The following ANGPT2 variants were observed in gnomAD, a reference collection of about 807,000 sequenced individuals.
The protein encoded by ANGPT2 is angiopoietin-2.
Under a neutral mutation model 62.9 loss-of-function variants are expected in ANGPT2, and 28 were observed. The ratio of observed to expected loss-of-function variants is 0.44; its 90% confidence interval spans 0.33 to 0.61. ANGPT2 has a LOEUF of 0.61. Ranked by LOEUF, ANGPT2 falls within the 20% of genes least tolerant of loss-of-function variation. The pLI is 0.03. For synonymous variants in ANGPT2, 284 were observed against 207.8 expected (o/e 1.37, Z -3.15); for missense variants, 727 against 594.9 (o/e 1.22, Z -2.31).
At chr8:6,537,985 C>T (rs1820807556) in intron 1 of ANGPT2, among the ~76,000 whole-genome samples, 1 of 152,110 alleles carries the variant, frequency 6.6e-6, no homozygotes, top group Non-Finnish European at 1.5e-5. Flanking sequence ...ATCAGAGGGT[C>T]TAAAGACCTT....
chr8:6,519,640 C>G (rs917555658), intron 5 of ANGPT2, among the ~76,000 whole-genome samples: 1 of 152,202 alleles, frequency 6.6e-6, no homozygotes, highest in African/African-American at 2.4e-5. Context: ...ATAAGATAGA[C>G]ATTTCTACAT....
intron 8 of ANGPT2, among the ~76,000 whole-genome samples, chr8:6,506,024 A>C (rs1324679766): frequency 6.9e-6 from 1 of 145,358 alleles, no homozygotes; most frequent in Admixed American, 7.0e-5. Flanking sequence ...TATATATATA[A>C]AAACATATAT....
At chr8:6,557,164 A>C (rs1323697959) in intron 1 of ANGPT2, among the ~76,000 whole-genome samples, 3 of 152,090 alleles carry the variant, frequency 2.0e-5, no homozygotes, top group Non-Finnish European at 4.4e-5. Context: ...CCCACGGAAA[A>C]TTCTGCTTTT....
intron 7 of ANGPT2, among the ~76,000 whole-genome samples, chr8:6,509,741 T>G (rs1347746360): frequency 6.6e-6 from 1 of 152,212 alleles, no homozygotes; most frequent in Non-Finnish European, 1.5e-5. Flanking sequence ...TGAAAATGCA[T>G]GGAATACACC....
rs1462565251 is a variant in ANGPT2, at chr8:6,500,375, C to G, written c.*2726G>C. The G allele has an allele frequency of 1.2e-5, 2 of 160,114 alleles. No homozygotes were observed. Among genetic ancestry groups the G allele is most frequent in the Non-Finnish European group, 2.7e-5 (2 of 72,742 alleles). 9.9% of individuals were successfully genotyped at this position (160,114 alleles called of 1,614,324 possible). ...CTTTCAAATGCTTCATTGAAAAGTT[C>G]TGGGTTCTAATTTTTTTTAAGATTA... On this transcript the variant is annotated 3_prime_UTR_variant, in exon 9 of 9. Transcript: ENST00000629816.
chr8:6,535,421 A>G (rs1820301200), intron 1 of ANGPT2, among the ~76,000 whole-genome samples: 1 of 152,236 alleles, frequency 6.6e-6, no homozygotes, highest in African/African-American at 2.4e-5. Context: ...AAACATAAAA[A>G]CAATAGAATG....
chr8:6,510,106 G>A (rs1040092458), intron 7 of ANGPT2, among the ~76,000 whole-genome samples: 1 of 151,960 alleles, frequency 6.6e-6, no homozygotes, highest in Non-Finnish European at 1.5e-5. Flanking sequence ...CTGTGTACCA[G>A]CAAGGAGCAT....
intron 1 of ANGPT2, among the ~76,000 whole-genome samples, chr8:6,558,824 A>T (rs1411476906): frequency 6.6e-6 from 1 of 152,228 alleles, no homozygotes; most frequent in African/African-American, 2.4e-5. Context: ...ATATATGTAT[A>T]ATATATAATC....
intron 1 of ANGPT2, among the ~76,000 whole-genome samples, chr8:6,540,980 G>T (rs1202753608): frequency 6.6e-6 from 1 of 152,242 alleles, no homozygotes; most frequent in East Asian, 1.9e-4. Context: ...GGGGCAGGTG[G>T]AGCCTAGTGG....
chr8:6,562,757 A>C lies in ANGPT2; in HGVS notation c.178T>G (p.Tyr60Asp), dbSNP rs2129575926. Residue 60 changes from tyrosine to aspartate, a missense_variant, in exon 1 of 9, where the codon TAC becomes GAC. Tyr to Asp is a radical substitution (Grantham distance 160). Transcript: ENST00000629816. ...MDNCRSSSSP[Y>D]VSNAVQRDAP... ...TCCCTCTGCACAGCATTGGACACGT[A>C]GGGGCTGGAGGAAGAGCGGCAGTTG... is the stretch of plus-strand genomic sequence containing the variant. 1 of 1,613,836 alleles carries C rather than the reference A, an allele frequency of 6.2e-7. No homozygotes were observed. The highest frequency in any genetic ancestry group is 1.3e-5 in the African/African-American group (1 of 74,912).
intron 7 of ANGPT2, among the ~76,000 whole-genome samples, chr8:6,512,357 C>T (rs1815328937): frequency 6.6e-6 from 1 of 152,194 alleles, no homozygotes; most frequent in African/African-American, 2.4e-5. Context: ...TCCTTTCAGA[C>T]TGTTCAGGTC....
intron 8 of ANGPT2, among the ~76,000 whole-genome samples, chr8:6,504,134 C>T (rs557367923): frequency 2.6e-5 from 4 of 151,962 alleles, no homozygotes; most frequent in South Asian, 4.2e-4. Flanking sequence ...CTGGCTAACA[C>T]GGTGAAACCC....
At chr8:6,557,219 C>T (rs1339354861) in intron 1 of ANGPT2, among the ~76,000 whole-genome samples, 2 of 152,166 alleles carry the variant, frequency 1.3e-5, no homozygotes, top group African/African-American at 2.4e-5. Flanking sequence ...TGCTTTACCG[C>T]TGGGCAATCC....
intron 1 of ANGPT2, among the ~76,000 whole-genome samples, chr8:6,558,099 C>T (rs1468389813): frequency 6.6e-6 from 1 of 152,182 alleles, no homozygotes; most frequent in Non-Finnish European, 1.5e-5. Context: ...AGTCTTCCTT[C>T]CAACCTCTCG....
chr8:6,517,131 G>C (rs1387772205), intron 5 of ANGPT2, among the ~76,000 whole-genome samples: 2 of 152,224 alleles, frequency 1.3e-5, no homozygotes, highest in Non-Finnish European at 2.9e-5. Context: ...GAGTAAAAGT[G>C]CTGAAATTGA....
In ANGPT2 at chr8:6,562,816, G is replaced by T. The variant is rs375103567; in HGVS notation, c.119C>A (p.Ser40Tyr). 6.2e-6 allele frequency: 10 copies of T among 1,613,494 alleles called. No homozygotes were observed. Among genetic ancestry groups the T allele is most frequent in the Non-Finnish European group, 7.6e-6 (9 of 1,179,850 alleles). The change falls in exon 1 of 9, where the codon TCC (serine) becomes TAC (tyrosine). Residue 40 changes from serine (S) to tyrosine (Y), a missense_variant. Transcript: ENST00000629816. ...GKKQYQVQHG[S>Y]CSYTFLLPEM... ...TGGCAGGAGGAAAGTGTAGCTGCAGGACCCATGCTGGACCTGATATTGCTT... is the reference window on the plus strand; with the variant it reads ...TGGCAGGAGGAAAGTGTAGCTGCAGTACCCATGCTGGACCTGATATTGCTT...
At position 6,538,298 on chromosome 8, in the gene ANGPT2, C is replaced by T. The variant is rs117051234; in HGVS notation, c.289-5811G>A. On this transcript the variant is annotated intron_variant, in intron 1 of 8. Coordinates refer to ENST00000629816, the MANE Select transcript of ANGPT2 (RefSeq NM_001118887.2). ...TACACACACACATACACGTTTTCTACCCCCCATGATCCCATCTTCCCGCCC... is the reference window on the plus strand; with the variant it reads ...TACACACACACATACACGTTTTCTATCCCCCATGATCCCATCTTCCCGCCC... 7.2e-3 allele frequency among the ~76,000 whole-genome samples: 1,100 copies of T among 152,210 alleles called. 9 individuals are homozygous for T. The highest frequency in any genetic ancestry group is 0.012 in the Non-Finnish European group (805 of 67,996).
At chr8:6,515,569 A>G (rs1816101615) in intron 5 of ANGPT2, among the ~76,000 whole-genome samples, 2 of 152,240 alleles carry the variant, frequency 1.3e-5, no homozygotes, top group Non-Finnish European at 2.9e-5. Flanking sequence ...AGCTAAGCGC[A>G]TGCATGCTCA....
chr8:6,558,660 C>G (rs536739394), intron 1 of ANGPT2, among the ~76,000 whole-genome samples: 1 of 152,036 alleles, frequency 6.6e-6, no homozygotes, highest in African/African-American at 2.4e-5. Context: ...TCTAGTGTCT[C>G]AATAGAAGGT....
Sources: gnomAD v4.1 joint callset for allele counts (sites outside exome capture counted in the v4.1 genomes callset) on GRCh38, gnomAD v4.1.1 for gene constraint, MANE v1.5 for transcripts, NCBI Gene and HGNC (gene_info 2026-07-23, HGNC 2026-07-21) for gene names.